NMS: variants seen among roughly 807,000 people sequenced by gnomAD.
NMS encodes neuromedin S, also known as neuromedin-S.
In NMS, 30 loss-of-function variants were observed where a neutral mutation model predicts 32.2. The observed-to-expected ratio is 0.93, with a 90% CI of 0.70 to 1.26. The LOEUF is 1.26. NMS is among the 50% of genes most tolerant of loss of function. The probability of loss-of-function intolerance (pLI) is 0.00; values close to 1 mark genes in which losing one functional copy is unlikely to be tolerated. For missense variants in NMS, 190 were observed against 186.3 expected (o/e 1.02, Z -0.12); for synonymous variants, 76 against 58.5 (o/e 1.30, Z -1.37).
chr2:100,478,026 A>C lies in NMS; in HGVS notation c.261+612A>C, dbSNP rs1677144780. On this transcript the variant is annotated intron_variant, in intron 5 of 9. Transcript: ENST00000376865. ...GCCCAGGCTGGAGTGCAGGGGCGCC[A>C]TCTCAGCTTACTGCAACCTCCGCCT... Among the ~76,000 whole-genome samples, 6 of 152,190 alleles carry C rather than the reference A, an allele frequency of 3.9e-5. No homozygotes were observed. In the South Asian group the frequency reaches 1.2e-3, roughly 32 times the overall value.
At chr2:100,480,994 T>C in intron 7 of NMS, 132 bp from the exon 8 acceptor site, 1 of 878,090 alleles carries the variant, frequency 1.1e-6, no homozygotes, top group Non-Finnish European at 1.9e-6. Flanking sequence ...TTTGTATTTC[T>C]TACAAGTTCC....
At position 100,474,599 on chromosome 2, in the gene NMS, T is replaced by A. The variant is rs563082144; in HGVS notation, c.183+1060T>A. 3.3e-4 allele frequency among the ~76,000 whole-genome samples: 50 copies of A among 152,362 alleles called. No homozygotes were observed. In the South Asian group the frequency reaches 3.7e-3, roughly 11 times the overall value. On this transcript the variant is annotated intron_variant, in intron 3 of 9. Coordinates refer to ENST00000376865, the MANE Select transcript of NMS (RefSeq NM_001011717.1). ...TTGTCATCTGTAGTATAGGGGTAAT[T>A]GTCATAGTATCCCAGAATGCTGTTG...
intron 1 of NMS, among the ~76,000 whole-genome samples, chr2:100,471,884 G>GT (rs1677012327): frequency 2.0e-5 from 3 of 152,178 alleles, no homozygotes. Context: ...GTTGAAAGCA[G>GT]TTAACATATA....
rs188255811 is a variant in NMS, at chr2:100,475,141, G to A, written c.183+1602G>A. On this transcript the variant is annotated intron_variant, in intron 3 of 9. Transcript: ENST00000376865. Reference sequence around the variant, plus strand: ...TTTTTCCAAGTCTATCCCATTCATTGTTTCCAACTGCAGAAGAGCAAGGGG... The same window carrying A: ...TTTTTCCAAGTCTATCCCATTCATTATTTCCAACTGCAGAAGAGCAAGGGG... 7.4e-4 allele frequency among the ~76,000 whole-genome samples: 113 copies of A among 152,284 alleles called. 1 individual carries two copies. Among genetic ancestry groups the A allele is most frequent in the Admixed American group, 5.0e-3 (77 of 15,298 alleles).
At position 100,471,639 on chromosome 2, in the gene NMS, TATGTTC is replaced by T. The variant is rs1677008240; in HGVS notation, c.76+1076_76+1081del. ...CTCCCTATTTTTTCCTGTTTGACTT[TATGTTC>T]CCTGAGGGTAAGTCTTTACGTTTTA... On this transcript the variant is annotated intron_variant, in intron 1 of 9. Coordinates refer to ENST00000376865, the MANE Select transcript of NMS (RefSeq NM_001011717.1). Among the ~76,000 whole-genome samples, 3 of 152,228 alleles carry T rather than the reference TATGTTC, an allele frequency of 2.0e-5. No homozygotes were observed. In the South Asian group the frequency reaches 6.2e-4, roughly 31 times the overall value.
At chr2:100,481,399 G>A (rs1386334254) in intron 8 of NMS, among the ~76,000 whole-genome samples, 1 of 152,080 alleles carries the variant, frequency 6.6e-6, no homozygotes, top group Non-Finnish European at 1.5e-5. Flanking sequence ...AGGCGTAAGG[G>A]AGTTCTTCTG....
intron 2 of NMS, among the ~76,000 whole-genome samples, chr2:100,473,063 T>C (rs1297377994): frequency 6.6e-6 from 1 of 152,168 alleles, no homozygotes; most frequent in African/African-American, 2.4e-5. Flanking sequence ...GGTTCAGAAA[T>C]AGGACAATTT....
At chr2:100,480,269 C>A (rs1677191346) in intron 6 of NMS, among the ~76,000 whole-genome samples, 1 of 152,236 alleles carries the variant, frequency 6.6e-6, no homozygotes, top group African/African-American at 2.4e-5. Context: ...CGTACTTGGA[C>A]ACAGATGGTA....
chr2:100,482,547 T>C (rs763521732), intron 9 of NMS, among the ~76,000 whole-genome samples: 10 of 151,942 alleles, frequency 6.6e-5, no homozygotes, highest in Admixed American at 1.3e-4. Context: ...TTCACTTCCA[T>C]GCCCAGCTCT....
intron 9 of NMS, 131 bp from the exon 10 acceptor site, chr2:100,483,121 C>T (rs1677251027): frequency 1.3e-6 from 1 of 759,462 alleles, no homozygotes; most frequent in South Asian, 1.8e-5. Flanking sequence ...GGGAAAGCAA[C>T]CTGGGCATTT....
intron 3 of NMS, among the ~76,000 whole-genome samples, chr2:100,475,054 G>A (rs1349935988): frequency 6.6e-6 from 1 of 152,104 alleles, no homozygotes; most frequent in Non-Finnish European, 1.5e-5. Context: ...GTATTAAATT[G>A]GGTTATGAGG....
At chr2:100,474,622 T>A (rs548238630) in intron 3 of NMS, among the ~76,000 whole-genome samples, 2 of 152,322 alleles carry the variant, frequency 1.3e-5, no homozygotes, top group South Asian at 4.1e-4. Flanking sequence ...CAGAATGCTG[T>A]TGTAAGGATT....
At chr2:100,474,360 C>T (rs1166284463) in intron 3 of NMS, among the ~76,000 whole-genome samples, 2 of 152,194 alleles carry the variant, frequency 1.3e-5, no homozygotes, top group Admixed American at 6.5e-5. Flanking sequence ...GCACACTATG[C>T]TCCAGCCACA....
rs766787329 is a variant in NMS at position 100,479,344 on chromosome 2, C to T, written c.262-9C>T. On this transcript the variant is annotated splice_polypyrimidine_tract_variant and intron_variant, in intron 5 of 9. Transcript: ENST00000376865. ...CCTGTCTGACCCTCTCCGCGCCTGT[C>T]TGTTGCAGTTTCCTCCAGTGCATCC... 2 of 1,604,984 alleles carry T rather than the reference C, an allele frequency of 1.2e-6. No homozygotes were observed. The highest frequency in any genetic ancestry group is 2.3e-5 in the East Asian group (1 of 44,374).
intron 3 of NMS, 71 bp from the exon 4 acceptor site, chr2:100,477,173 T>C (rs1677126231): frequency 2.3e-6 from 3 of 1,307,600 alleles, no homozygotes; most frequent in Non-Finnish European, 1.1e-6. Context: ...GTGTACCTTA[T>C]ACAGAAAACG....
intron 8 of NMS, 90 bp downstream of exon 8, chr2:100,481,257 C>A: frequency 1.6e-6 from 2 of 1,214,796 alleles, no homozygotes; most frequent in Non-Finnish European, 2.4e-6. Context: ...AGAGCCAGGA[C>A]CCCTTGGTAA....
chr2:100,482,185 C>A, intron 8 of NMS, 92 bp from the exon 9 acceptor site: 2 of 1,241,280 alleles, frequency 1.6e-6, no homozygotes, highest in Non-Finnish European at 2.4e-6. Flanking sequence ...AAGAATGAGG[C>A]CTTAGGGTTC....
intron 1 of NMS, among the ~76,000 whole-genome samples, chr2:100,472,390 T>G (rs1677021427): frequency 6.6e-6 from 1 of 152,204 alleles, no homozygotes; most frequent in Non-Finnish European, 1.5e-5. Flanking sequence ...TCTTCAAAGT[T>G]CAAAGGTGAT....
intron 1 of NMS, among the ~76,000 whole-genome samples, chr2:100,471,047 G>GCAGGGTTC (rs1676998619): frequency 6.6e-6 from 1 of 152,236 alleles, no homozygotes; most frequent in Non-Finnish European, 1.5e-5. Context: ...TTTTAGAGAA[G>GCAGGGTTC]CAGGGTTCCA....
Sources: gnomAD v4.1 joint callset for allele counts (sites outside exome capture counted in the v4.1 genomes callset) on GRCh38, gnomAD v4.1.1 for gene constraint, MANE v1.5 for transcripts, NCBI Gene and HGNC (gene_info 2026-07-23, HGNC 2026-07-21) for gene names.